The following PRKD1 variants were observed in gnomAD, a reference collection of about 807,000 sequenced individuals.
The protein encoded by PRKD1 is protein kinase D1.
PRKD1 carries 63 observed loss-of-function variants against 95.9 expected under a neutral mutation model. That is an observed-to-expected ratio of 0.66 (90% CI 0.54 to 0.81). PRKD1 has a LOEUF of 0.81. Ranked by LOEUF, PRKD1 falls within the 30% of genes least tolerant of loss-of-function variation. The pLI, the probability that PRKD1 is intolerant of heterozygous loss-of-function variation, is 0.00. For missense variants in PRKD1, 1,048 were observed against 1,165.3 expected, an observed-to-expected ratio of 0.90 and a Z score of 1.47; for synonymous variants, 425 against 423.1, an observed-to-expected ratio of 1.00 and a Z score of -0.05.
intron 13 of PRKD1, among the ~76,000 whole-genome samples, chr14:29,609,180 G>A (rs929709912): frequency 2.6e-5 from 4 of 152,082 alleles, no homozygotes; most frequent in East Asian, 1.9e-4. Flanking sequence ...TTATACTTTT[G>A]TTGTGCCACT....
At chr14:29,925,895 A>C (rs965428430) in intron 1 of PRKD1, among the ~76,000 whole-genome samples, 2 of 152,244 alleles carry the variant, frequency 1.3e-5, no homozygotes, top group Non-Finnish European at 2.9e-5. Flanking sequence ...CACAGTGCCT[A>C]GGAGTGCTCC....
chr14:29,638,202 CTA>C, intron 6 of PRKD1: 1 of 364,040 alleles, frequency 2.7e-6, no homozygotes, highest in Non-Finnish European at 5.0e-6. Flanking sequence ...TCTGGGCAAA[CTA>C]GGATAAGAAT....
chr14:29,645,109 T>A (rs1442845332), intron 4 of PRKD1, among the ~76,000 whole-genome samples: 1 of 152,290 alleles, frequency 6.6e-6, no homozygotes, highest in Non-Finnish European at 1.5e-5. Context: ...AGCTTTCACA[T>A]TCCTTGATTT....
intron 4 of PRKD1, 99 bp from the exon 5 acceptor site, chr14:29,639,003 CT>C: frequency 2.3e-6 from 2 of 869,920 alleles, no homozygotes; most frequent in South Asian, 3.9e-5. Flanking sequence ...GTATTTAGTA[CT>C]TTGATGTTTA....
chr14:29,684,646 T>C (rs1161139518), intron 2 of PRKD1, among the ~76,000 whole-genome samples: 2 of 152,176 alleles, frequency 1.3e-5, no homozygotes, highest in Non-Finnish European at 2.9e-5. Flanking sequence ...TGTCCCCAGC[T>C]ATATGTGTTT....
At chr14:29,580,587 C>T (rs550701425) in intron 16 of PRKD1, among the ~76,000 whole-genome samples, 96 of 152,032 alleles carry the variant, frequency 6.3e-4, no homozygotes, top group African/African-American at 2.2e-3. Context: ...AAAATAGGTC[C>T]GTCATTTGTA....
At chr14:29,667,709 C>T (rs963414152) in intron 2 of PRKD1, among the ~76,000 whole-genome samples, 4 of 152,092 alleles carry the variant, frequency 2.6e-5, no homozygotes, top group Non-Finnish European at 2.9e-5. Flanking sequence ...TCTAGCTTCT[C>T]CCCTCAGCCC....
intron 1 of PRKD1, among the ~76,000 whole-genome samples, chr14:29,789,259 C>T (rs1889423087): frequency 6.6e-6 from 1 of 152,090 alleles, no homozygotes; most frequent in Non-Finnish European, 1.5e-5. Flanking sequence ...TTTGGGGTAT[C>T]TGTTATGGAA....
At chr14:29,838,734 A>C (rs918975369) in intron 1 of PRKD1, among the ~76,000 whole-genome samples, 1 of 152,194 alleles carries the variant, frequency 6.6e-6, no homozygotes, top group African/African-American at 2.4e-5. Context: ...TGGAAAATGC[A>C]TATTATTAAG....
chr14:29,583,898 CCTT>C (rs1213081689), intron 16 of PRKD1, among the ~76,000 whole-genome samples: 6 of 152,156 alleles, frequency 3.9e-5, no homozygotes, highest in Non-Finnish European at 8.8e-5. Context: ...CAGTTACTCT[CCTT>C]CTAACTTCCT....
intron 1 of PRKD1, among the ~76,000 whole-genome samples, chr14:29,867,598 A>C (rs1467669189): frequency 1.3e-5 from 2 of 152,224 alleles, no homozygotes; most frequent in Non-Finnish European, 2.9e-5. Context: ...GAAATTTAGG[A>C]AAATGGTAAT....
At chr14:29,903,157 CAG>C (rs1420240107) in intron 1 of PRKD1, among the ~76,000 whole-genome samples, 1 of 152,172 alleles carries the variant, frequency 6.6e-6, no homozygotes, top group Admixed American at 6.5e-5. Context: ...TAAAATTTAA[CAG>C]AGAATTTTCC....
chr14:29,759,974 C>T (rs1483852362), intron 1 of PRKD1, among the ~76,000 whole-genome samples: 1 of 152,076 alleles, frequency 6.6e-6, no homozygotes, highest in Non-Finnish European at 1.5e-5. Flanking sequence ...ATAGTCTGGC[C>T]AGCCATACCG....
chr14:29,635,874 A>C (rs534386973), intron 7 of PRKD1, among the ~76,000 whole-genome samples: 1 of 152,188 alleles, frequency 6.6e-6, no homozygotes, highest in Non-Finnish European at 1.5e-5. Context: ...TAATATCAAG[A>C]ACAGTGAAGT....
chr14:29,722,999 TAGG>T (rs1305041149), intron 2 of PRKD1, among the ~76,000 whole-genome samples: 3 of 151,784 alleles, frequency 2.0e-5, no homozygotes, highest in Non-Finnish European at 2.9e-5. Context: ...CAGGCTAGAG[TAGG>T]AGAAGAGGAG....
chr14:29,639,344 C>T (rs1223396875), intron 4 of PRKD1, among the ~76,000 whole-genome samples: 1 of 152,008 alleles, frequency 6.6e-6, no homozygotes, highest in East Asian at 1.9e-4. Context: ...CTACATGGTA[C>T]TTCATCGAAA....
intron 1 of PRKD1, among the ~76,000 whole-genome samples, chr14:29,783,935 A>G (rs34946569): frequency 0.16 from 23,869 of 152,182 alleles, 2,109 homozygotes; most frequent in South Asian, 0.21. Flanking sequence ...TCTACAGGTC[A>G]TCTACTCATT....
At chr14:29,871,102 G>A (rs1464328819) in intron 1 of PRKD1, among the ~76,000 whole-genome samples, 5 of 152,100 alleles carry the variant, frequency 3.3e-5, no homozygotes, top group African/African-American at 1.2e-4. Flanking sequence ...CCAAACATAG[G>A]TGACAAAACT....
chr14:29,588,877 T>C (rs1466741154), intron 16 of PRKD1, among the ~76,000 whole-genome samples: 58 of 151,448 alleles, frequency 3.8e-4, no homozygotes, highest in Admixed American at 3.8e-3. Flanking sequence ...TCTTAATTCC[T>C]GAGAATACCG....
Sources: gnomAD v4.1 joint callset for allele counts (sites outside exome capture counted in the v4.1 genomes callset) on GRCh38, gnomAD v4.1.1 for gene constraint, MANE v1.5 for transcripts, NCBI Gene and HGNC (gene_info 2026-07-23, HGNC 2026-07-21) for gene names.